STEAP3: variants seen among roughly 807,000 people sequenced by gnomAD.
STEAP3 encodes metalloreductase STEAP3.
In STEAP3, 35 loss-of-function variants were observed where a neutral mutation model predicts 34.9. The observed-to-expected ratio is 1.00, with a 90% CI of 0.76 to 1.33. The LOEUF is 1.33. Ranked by LOEUF, STEAP3 falls within the 40% of genes most tolerant of loss-of-function variation. The pLI, the probability that STEAP3 is intolerant of heterozygous loss-of-function variation, is 0.00. For synonymous variants in STEAP3, 281 were observed against 301.6 expected (o/e 0.93, Z 0.71); for missense variants, 652 against 667.6 (o/e 0.98, Z 0.26).
At chr2:119,224,741 G>C (rs1465368755) in intron 1 of STEAP3, among the ~76,000 whole-genome samples, 1 of 152,178 alleles carries the variant, frequency 6.6e-6, no homozygotes, top group Non-Finnish European at 1.5e-5. Context: ...AATGCCCCCA[G>C]GGAGGTATTT....
At chr2:119,238,106 T>A (rs1226259413) in intron 2 of STEAP3, among the ~76,000 whole-genome samples, 1 of 152,260 alleles carries the variant, frequency 6.6e-6, no homozygotes, top group African/African-American at 2.4e-5. Flanking sequence ...TTGGGTATTA[T>A]GAATAATGGG....
Position 119,245,495 on chromosome 2 carries a change from A to C in STEAP3, c.29A>C (p.Lys10Thr). MSHQPAVAT[K>T]MPEEMDKPLI... is the part of the protein sequence containing the mutation. ...TTCCTGACTTCTCTTGCAGCCACCA[A>C]AATGCCAGAAGAGATGGACAAGCCA... The change falls in exon 3 of 6, where the codon AAA (lysine) becomes ACA (threonine). Residue 10 changes from lysine to threonine, a missense_variant. Lys to Thr is a moderately conservative substitution (Grantham distance 78). Coordinates refer to ENST00000393110, the MANE Select transcript of STEAP3 (RefSeq NM_182915.3). 1 of 1,579,846 alleles carries C rather than the reference A, an allele frequency of 6.3e-7. No homozygotes were observed. Among genetic ancestry groups the C allele is most frequent in the Non-Finnish European group, 8.6e-7 (1 of 1,156,888 alleles).
intron 4 of STEAP3, 101 bp from the exon 5 acceptor site, chr2:119,254,583 T>G (rs1573574523): frequency 1.5e-6 from 2 of 1,378,878 alleles, no homozygotes; most frequent in African/African-American, 1.4e-5. Flanking sequence ...AGGTGCAGTG[T>G]GAGCGCCCGC....
intron 2 of STEAP3, among the ~76,000 whole-genome samples, chr2:119,236,783 G>A (rs931997208): frequency 3.9e-5 from 6 of 152,140 alleles, no homozygotes; most frequent in African/African-American, 1.4e-4. Flanking sequence ...GAACACATCT[G>A]CCCTGTTCAC....
intron 2 of STEAP3, among the ~76,000 whole-genome samples, chr2:119,241,112 C>T (rs1377785940): frequency 6.6e-6 from 1 of 152,026 alleles, no homozygotes; most frequent in Non-Finnish European, 1.5e-5. Flanking sequence ...CACAAGTGCA[C>T]ACACAACCAG....
intron 2 of STEAP3, chr2:119,245,205 G>T: frequency 2.3e-6 from 1 of 433,222 alleles, no homozygotes; most frequent in Non-Finnish European, 4.1e-6. Flanking sequence ...CCCTTTCCCA[G>T]CACTCTCACT....
intron 2 of STEAP3, among the ~76,000 whole-genome samples, chr2:119,232,866 G>A (rs961138012): frequency 2.0e-5 from 3 of 152,194 alleles, no homozygotes; most frequent in African/African-American, 7.2e-5. Flanking sequence ...CCTGTTACCT[G>A]TGCTGCAGAG....
chr2:119,247,761 T>G lies in STEAP3; in HGVS notation c.605T>G (p.Met202Arg). Reference sequence around the variant, plus strand: ...GCCATGGGCTTCATGCCCGTGGACATGGGATCCCTGGCGTCAGCCTGGGAG... The same window carrying G: ...GCCATGGGCTTCATGCCCGTGGACAGGGGATCCCTGGCGTCAGCCTGGGAG... ...ALAMGFMPVD[M>R]GSLASAWEVE... Residue 202 changes from methionine to arginine, a missense_variant, in exon 4 of 6, where the codon ATG becomes AGG. Met to Arg is a moderately conservative substitution (Grantham distance 91). Transcript: ENST00000393110. 2 of 1,605,142 alleles carry G rather than the reference T, an allele frequency of 1.2e-6. No individual in the cohort carries two copies. Among genetic ancestry groups the G allele is most frequent in the South Asian group, 1.1e-5 (1 of 90,772 alleles).
chr2:119,256,906 A>G (rs144200170), intron 5 of STEAP3, among the ~76,000 whole-genome samples: 3 of 152,352 alleles, frequency 2.0e-5, no homozygotes, highest in South Asian at 2.1e-4. Flanking sequence ...AGCCACAGTA[A>G]GAGATTATGT....
intron 2 of STEAP3, among the ~76,000 whole-genome samples, chr2:119,234,116 C>T (rs1423910237): frequency 6.6e-6 from 1 of 152,208 alleles, no homozygotes; most frequent in Non-Finnish European, 1.5e-5. Flanking sequence ...TGAGGCAGGC[C>T]GAGCTCCATG....
chr2:119,233,151 A>C (rs1239942127), intron 2 of STEAP3, among the ~76,000 whole-genome samples: 1 of 152,112 alleles, frequency 6.6e-6, no homozygotes, highest in African/African-American at 2.4e-5. Context: ...ACTGGGCAGA[A>C]CCCTCCAAAT....
intron 1 of STEAP3, among the ~76,000 whole-genome samples, chr2:119,224,918 G>C (rs538709889): frequency 6.6e-6 from 1 of 152,182 alleles, no homozygotes; most frequent in Non-Finnish European, 1.5e-5. Context: ...GAGAGTCCAC[G>C]TATTTTGCAA....
Position 119,247,716 on chromosome 2 carries a change from C to T in STEAP3, c.560C>T (p.Ala187Val). Residue 187 changes from alanine (A) to valine (V), a missense_variant, in exon 4 of 6, where the codon GCT becomes GTT. Ala to Val is a moderately conservative substitution (Grantham distance 64, BLOSUM62 0). Coordinates refer to ENST00000393110, the MANE Select transcript of STEAP3 (RefSeq NM_182915.3). ...ICGDQPEAKR[A>V]VSEMALAMGF... ...GGTGACCAGCCAGAAGCCAAGCGTG[C>T]TGTCTCGGAGATGGCGCTCGCCATG... The T allele has an allele frequency of 6.4e-7, 1 of 1,558,952 alleles. No individual in the cohort carries two copies. Among genetic ancestry groups the T allele is most frequent in the African/African-American group, 1.4e-5 (1 of 73,678 alleles).
rs1038719894 is a variant in STEAP3 at position 119,245,851 on chromosome 2, G to C, written c.385G>C (p.Glu129Gln). ...CCTGGTGGATGTGAGCAACCCTACA[G>C]AGCAAGAGCACCTTCAGCATCGTGA... ...KILVDVSNPT[E>Q]QEHLQHRESN... The change falls in exon 3 of 6, where the codon GAG (glutamate) becomes CAG (glutamine). Residue 129 changes from glutamate to glutamine, a missense_variant. Glu to Gln is a conservative substitution (Grantham distance 29, BLOSUM62 2). Transcript: ENST00000393110. 1 of 1,614,176 alleles carries C rather than the reference G, an allele frequency of 6.2e-7. No individual in the cohort carries two copies.
intron 2 of STEAP3, among the ~76,000 whole-genome samples, chr2:119,234,512 A>G (rs1164810074): frequency 6.6e-6 from 1 of 152,144 alleles, no homozygotes; most frequent in Non-Finnish European, 1.5e-5. Context: ...TCATCCCCTC[A>G]TTCCAGCACT....
intron 4 of STEAP3, chr2:119,248,540 G>T: frequency 3.4e-6 from 1 of 292,686 alleles, no homozygotes; most frequent in Non-Finnish European, 6.4e-6. Flanking sequence ...GTGCAGGTTT[G>T]AAGATGGTCC....
chr2:119,247,433 G>A (rs1677464437), intron 3 of STEAP3, among the ~76,000 whole-genome samples: 1 of 152,238 alleles, frequency 6.6e-6, no homozygotes, highest in Non-Finnish European at 1.5e-5. Context: ...ACTGTTTGCA[G>A]CTTCCCTCCT....
chr2:119,236,256 G>A (rs894792471), intron 2 of STEAP3, among the ~76,000 whole-genome samples: 5 of 152,158 alleles, frequency 3.3e-5, no homozygotes, highest in East Asian at 1.9e-4. Context: ...GGCTCAGAGC[G>A]TAGCACTTTA....
At chr2:119,226,728 C>A (rs1053391055) in intron 1 of STEAP3, among the ~76,000 whole-genome samples, 1 of 152,174 alleles carries the variant, frequency 6.6e-6, no homozygotes, top group Non-Finnish European at 1.5e-5. Context: ...CCGTCACATC[C>A]TTGGCATGCC....
Sources: allele counts gnomAD v4.1 joint callset (sites outside exome capture counted in the v4.1 genomes callset), GRCh38; gene constraint gnomAD v4.1.1; transcripts MANE v1.5; gene names NCBI Gene and HGNC (gene_info 2026-07-23, HGNC 2026-07-21).